The following PTPN21 variants were observed in gnomAD, a reference collection of about 807,000 sequenced individuals.
PTPN21 encodes the protein protein tyrosine phosphatase non-receptor type 21.
A neutral mutation model predicts 131.8 loss-of-function variants in PTPN21; 77 were observed. That is an observed-to-expected ratio of 0.58 (90% CI 0.49 to 0.71). The LOEUF is 0.71. Among genes scored for constraint, PTPN21 ranks in the 30% least tolerant of loss-of-function variants. The pLI, the probability that PTPN21 is intolerant of heterozygous loss-of-function variation, is 0.00. For synonymous variants in PTPN21, 715 were observed against 621.3 expected (o/e 1.15, Z -2.24); for missense variants, 1,552 against 1,527.1 (o/e 1.02, Z -0.27).
chr14:88,517,353 G>C lies in PTPN21; in HGVS notation c.181-92C>G, dbSNP rs546785741. 1.0e-4 allele frequency: 140 copies of C among 1,371,814 alleles called. 1 individual carries two copies. The African/African-American group carries it at 1.9e-3, about 19-fold the overall frequency. The allele number at this position is 1,371,814 out of a possible 1,614,324, so 85.0% of individuals were successfully genotyped here. The stretch of plus-strand genomic sequence containing the variant: ...ACTAATCCCTGACCTGTGACCAAAT[G>C]ACAGCAGTCTCTTATTGCCTTTCTT... On this transcript the variant is annotated intron_variant, in intron 2 of 18. Transcript: ENST00000556564.
chr14:88,484,917 T>G (rs2077710462), intron 12 of PTPN21, among the ~76,000 whole-genome samples, 159 bp downstream of exon 12: 1 of 151,962 alleles, frequency 6.6e-6, no homozygotes, highest in African/African-American at 2.4e-5. Context: ...CAAAAAACAA[T>G]ATATTGGCTT....
intron 12 of PTPN21, among the ~76,000 whole-genome samples, chr14:88,482,855 G>T (rs2077672635): frequency 6.6e-6 from 1 of 151,544 alleles, no homozygotes; most frequent in African/African-American, 2.4e-5. Context: ...TAACAGAGTG[G>T]CAAAGACAGA....
intron 10 of PTPN21, among the ~76,000 whole-genome samples, chr14:88,486,964 G>A (rs1275056491): frequency 7.1e-6 from 1 of 140,866 alleles, no homozygotes. Context: ...CAACAAGAGC[G>A]AGATTCTAGC....
chr14:88,479,559 G>T lies in PTPN21; in HGVS notation c.1872C>A (p.Leu624=). The T allele has an allele frequency of 1.3e-6, 2 of 1,598,480 alleles. No homozygotes were observed. Among genetic ancestry groups the T allele is most frequent in the African/African-American group, 1.3e-5 (1 of 74,996 alleles). The change falls in exon 13 of 19, where the codon CTC becomes CTA. Residue 624 remains leucine, a synonymous_variant. Transcript: ENST00000556564. ...AHSLQEVSEP[L]TAARHAQLHK... ...GCAGCTGCGCGTGGCGCGCGGCGGT[G>T]AGGGGCTCGCTGACCTCCTGCAGCG...
intron 2 of PTPN21, among the ~76,000 whole-genome samples, chr14:88,531,456 T>C (rs937195799): frequency 1.3e-5 from 2 of 151,380 alleles, no homozygotes; most frequent in Admixed American, 6.6e-5. Flanking sequence ...ACTCGGGAGG[T>C]TGAGGCAGGA....
At chr14:88,550,200 C>A (rs1326422132) in intron 2 of PTPN21, 38 bp downstream of exon 2, 2 of 1,585,060 alleles carry the variant, frequency 1.3e-6, no homozygotes, top group African/African-American at 1.3e-5. Context: ...AGGCTTGAGC[C>A]ACCCGCGCCT....
Position 88,480,231 on chromosome 14 carries a change from G to C in PTPN21, c.1200C>G (p.Thr400=). 1.2e-6 allele frequency: 2 copies of C among 1,614,100 alleles called. No homozygotes were observed. The highest frequency in any genetic ancestry group is 2.2e-5 in the East Asian group (1 of 44,886). Residue 400 remains threonine (T), a synonymous_variant, in exon 13 of 19, where the codon ACC becomes ACG. Transcript: ENST00000556564. ...RNGSVYSAHS[T]NSLNNPQPYL... is the part of the protein sequence containing the mutation. ...AGGGCTGAGGATTATTTAAGGAGTT[G>C]GTGCTGTGTGCACTGTAGACACTGC... is the stretch of plus-strand genomic sequence containing the variant.
At chr14:88,540,418 C>A (rs1250408200) in intron 2 of PTPN21, among the ~76,000 whole-genome samples, 1 of 152,210 alleles carries the variant, frequency 6.6e-6, no homozygotes, top group Non-Finnish European at 1.5e-5. Flanking sequence ...ATATCACATA[C>A]AAAAGAAACA....
At chr14:88,468,524 T>C (rs2069888819) in intron 18 of PTPN21, among the ~76,000 whole-genome samples, 1 of 152,174 alleles carries the variant, frequency 6.6e-6, no homozygotes, top group South Asian at 2.1e-4. Flanking sequence ...TGGACATAAT[T>C]ACCATGTCTC....
intron 2 of PTPN21, among the ~76,000 whole-genome samples, chr14:88,530,871 A>G (rs748207177): frequency 3.5e-4 from 53 of 152,180 alleles, no homozygotes; most frequent in Non-Finnish European, 6.0e-4. Flanking sequence ...ACAGCACTAG[A>G]CAGGTCATCA....
intron 10 of PTPN21, among the ~76,000 whole-genome samples, chr14:88,490,434 G>A (rs1327383605): frequency 6.6e-6 from 1 of 152,088 alleles, no homozygotes; most frequent in Non-Finnish European, 1.5e-5. Context: ...CCCACTGTTT[G>A]GCCTTGTGGC....
At chr14:88,528,014 T>G (rs895844808) in intron 2 of PTPN21, among the ~76,000 whole-genome samples, 8 of 152,174 alleles carry the variant, frequency 5.3e-5, no homozygotes, top group Non-Finnish European at 1.0e-4. Context: ...TTGACCTATG[T>G]TTTTATACCA....
chr14:88,527,865 T>C (rs575405747), intron 2 of PTPN21, among the ~76,000 whole-genome samples: 1 of 152,304 alleles, frequency 6.6e-6, no homozygotes, highest in South Asian at 2.1e-4. Flanking sequence ...TTCATTATTA[T>C]ACATGTGGCT....
chr14:88,512,800 TG>T (rs1194654514), intron 3 of PTPN21, among the ~76,000 whole-genome samples: 3 of 152,232 alleles, frequency 2.0e-5, no homozygotes, highest in Admixed American at 2.0e-4. Flanking sequence ...CAGTGCAGAC[TG>T]GAAGCTTGCT....
chr14:88,497,186 C>T lies in PTPN21; in HGVS notation c.852+17G>A. 6.4e-7 allele frequency: 1 copy of T among 1,564,232 alleles called. No homozygotes were observed. The highest frequency in any genetic ancestry group is 8.8e-7 in the Non-Finnish European group (1 of 1,134,920). On this transcript the variant is annotated intron_variant, in intron 9 of 18. Coordinates refer to ENST00000556564, the MANE Select transcript of PTPN21 (RefSeq NM_007039.4). Reference sequence around the variant, plus strand: ...TTTAGGAAAAACATTCCATGCAGACCCCTAATGTTTACTCACAGTTTGAAA... The same window carrying T: ...TTTAGGAAAAACATTCCATGCAGACTCCTAATGTTTACTCACAGTTTGAAA...
intron 2 of PTPN21, among the ~76,000 whole-genome samples, chr14:88,529,811 A>C (rs2078528979): frequency 6.6e-6 from 1 of 152,040 alleles, no homozygotes; most frequent in Non-Finnish European, 1.5e-5. Flanking sequence ...GTGAAGCCCC[A>C]TCTCTACCAA....
chr14:88,539,651 A>G lies in PTPN21; in HGVS notation c.180+10587T>C, dbSNP rs74973207. ...GGCTCCATGGAAAAGCAGTATATTG[A>G]GAGAAAAGTGCTAAAACAAGAGCTG... On this transcript the variant is annotated intron_variant, in intron 2 of 18. Coordinates refer to ENST00000556564, the MANE Select transcript of PTPN21 (RefSeq NM_007039.4). Among the ~76,000 whole-genome samples the G allele has an allele frequency of 2.0e-3, 304 of 152,306 alleles. 4 individuals are homozygous for G. Among genetic ancestry groups the G allele is most frequent in the African/African-American group, 7.0e-3 (290 of 41,568 alleles).
rs2077435326 is a variant in PTPN21, at chr14:88,470,033, G to A, written c.2889C>T (p.Ile963=). 4 of 1,613,034 alleles carry A rather than the reference G, an allele frequency of 2.5e-6. No individual in the cohort carries two copies. The highest frequency in any genetic ancestry group is 3.4e-6 in the Non-Finnish European group (4 of 1,179,118). The change falls in exon 16 of 19, where the codon ATC becomes ATT. Residue 963 remains isoleucine (I), a synonymous_variant. Transcript: ENST00000556564. ...CCTGTGTGGCAATATAATCCCATTC[G>A]ATTCCACTGACAGAGACCTGGGATT... The part of the protein sequence containing the change: ...ASHIKVSVSG[I]EWDYIATQGP...
intron 3 of PTPN21, among the ~76,000 whole-genome samples, chr14:88,514,260 C>T (rs2078228284): frequency 6.6e-6 from 1 of 152,064 alleles, no homozygotes; most frequent in Non-Finnish European, 1.5e-5. Context: ...TTCATATTCA[C>T]CTGTTACACA....
Sources: allele counts gnomAD v4.1 joint callset (sites outside exome capture counted in the v4.1 genomes callset), GRCh38; gene constraint gnomAD v4.1.1; transcripts MANE v1.5; gene names NCBI Gene and HGNC (gene_info 2026-07-23, HGNC 2026-07-21).